Variants in NVL observed in about 807,000 individuals in gnomAD.
NVL encodes the protein nuclear VCP like.
A neutral mutation model predicts 110.2 loss-of-function variants in NVL; 84 were observed. The ratio of observed to expected loss-of-function variants is 0.76; its 90% CI spans 0.64 to 0.91. The LOEUF (loss-of-function observed/expected upper bound fraction) is 0.91, where lower values mean the gene tolerates loss of function less well. Ranked by LOEUF, NVL falls within the 40% of genes least tolerant of loss-of-function variation. The pLI, the probability that NVL is intolerant of heterozygous loss-of-function variation, is 0.00. For missense variants in NVL, 882 were observed against 1,035.9 expected, an observed-to-expected ratio of 0.85 and a Z score of 2.04; for synonymous variants, 354 against 361.1, an observed-to-expected ratio of 0.98 and a Z score of 0.22.
At chr1:224,265,685 A>G (rs1044232615) in intron 18 of NVL, among the ~76,000 whole-genome samples, 1 of 152,194 alleles carries the variant, frequency 6.6e-6, no homozygotes, top group Non-Finnish European at 1.5e-5. Context: ...TGGGACCTTT[A>G]AAAGGTGATT....
chr1:224,265,934 G>A (rs758475150), intron 18 of NVL, among the ~76,000 whole-genome samples: 1 of 152,024 alleles, frequency 6.6e-6, no homozygotes, highest in Non-Finnish European at 1.5e-5. Flanking sequence ...TGCCCAGCTT[G>A]GCCACTTTCT....
intron 5 of NVL, 108 bp downstream of exon 5, chr1:224,311,692 T>A: frequency 2.4e-6 from 2 of 832,734 alleles, no homozygotes; most frequent in South Asian, 1.5e-5. Flanking sequence ...AGTGTTGGGA[T>A]TAGAGGTGTG....
Position 224,273,048 on chromosome 1 carries a change from A to AC in NVL, c.2082+2290_2082+2291insG, listed in dbSNP as rs1318017733. Among the ~76,000 whole-genome samples, 25 of 139,072 alleles carry AC rather than the reference A, an allele frequency of 1.8e-4. 1 individual carries two copies. Among genetic ancestry groups the AC allele is most frequent in the Middle Eastern group, 3.7e-3 (1 of 270 alleles). 91.2% of individuals were successfully genotyped at this position (139,072 alleles called of 152,430 possible). A position where few individuals can be genotyped will look rare whatever the true frequency, so the allele number is the denominator to read the frequency against. On this transcript the variant is annotated intron_variant, in intron 17 of 22. Transcript: ENST00000281701. ...GACTCCGTCTCAAAAAAAAACAAAA[A>AC]AAACAAACAAACAAAAAAAAACACA...
intron 15 of NVL, among the ~76,000 whole-genome samples, chr1:224,282,282 G>A (rs1020478588): frequency 3.3e-5 from 5 of 151,956 alleles, no homozygotes; most frequent in African/African-American, 1.2e-4. Flanking sequence ...TGCCCAGGCT[G>A]AAACCTACAA....
At chr1:224,246,997 A>G (rs980408061) in intron 19 of NVL, among the ~76,000 whole-genome samples, 2 of 150,342 alleles carry the variant, frequency 1.3e-5, no homozygotes, top group Admixed American at 6.7e-5. Context: ...AGCTGAGATC[A>G]CGCTACTGCA....
At position 224,236,430 on chromosome 1, in the gene NVL, G is replaced by A. The variant is rs985564595; in HGVS notation, c.2366+76C>T. 4 of 1,082,764 alleles carry A rather than the reference G, an allele frequency of 3.7e-6. No homozygotes were observed. In the African/African-American group the frequency reaches 4.7e-5, roughly 13 times the overall value. 67.1% of individuals were successfully genotyped at this position (1,082,764 alleles called of 1,614,324 possible). A position where few individuals can be genotyped will look rare whatever the true frequency, so the allele number is the denominator to read the frequency against. On this transcript the variant is annotated intron_variant, in intron 20 of 22. Coordinates refer to ENST00000281701, the MANE Select transcript of NVL (RefSeq NM_002533.4). ...TCCTCCCAACAATCTGCTGAGGTGA[G>A]CATCATCACCCCTCATTTTATAGAT...
At chr1:224,261,201 T>C (rs1223831314) in intron 18 of NVL, among the ~76,000 whole-genome samples, 1 of 152,030 alleles carries the variant, frequency 6.6e-6, no homozygotes, top group Non-Finnish European at 1.5e-5. Context: ...AGATGGGGTC[T>C]TGCTTTGTTG....
At chr1:224,251,456 G>T (rs1662496468) in intron 18 of NVL, among the ~76,000 whole-genome samples, 1 of 151,962 alleles carries the variant, frequency 6.6e-6, no homozygotes. Flanking sequence ...TGGCCAACAT[G>T]GTGAAACCCT....
At chr1:224,319,440 T>C (rs970178601) in intron 2 of NVL, among the ~76,000 whole-genome samples, 3 of 152,112 alleles carry the variant, frequency 2.0e-5, no homozygotes, top group Admixed American at 2.0e-4. Flanking sequence ...CCTGAGTAGC[T>C]GGGACTACAG....
At chr1:224,263,296 G>A (rs942756723) in intron 18 of NVL, among the ~76,000 whole-genome samples, 1 of 152,166 alleles carries the variant, frequency 6.6e-6, no homozygotes, top group African/African-American at 2.4e-5. Context: ...TTGCACACAT[G>A]TAGTTTTCTC....
rs777263906 is a variant in NVL at position 224,227,603 on chromosome 1, C to T, written c.*23G>A. On this transcript the variant is annotated 3_prime_UTR_variant, in exon 23 of 23. Coordinates refer to ENST00000281701, the MANE Select transcript of NVL (RefSeq NM_002533.4). ...CTCTGCCGGCTTGATGGGCTAGCTC[C>T]TCTAAGCCGGCTGCTGGAGACATCA... 2.5e-6 allele frequency: 4 copies of T among 1,605,674 alleles called. 1 individual carries two copies. In the South Asian group the frequency reaches 3.3e-5, roughly 13 times the overall value.
chr1:224,273,320 G>C (rs974269771), intron 17 of NVL, among the ~76,000 whole-genome samples: 8 of 151,760 alleles, frequency 5.3e-5, no homozygotes, highest in African/African-American at 1.7e-4. Context: ...GGCTGAGTCA[G>C]GAAAATCGCT....
At chr1:224,250,853 C>T (rs1259373469) in intron 18 of NVL, among the ~76,000 whole-genome samples, 1 of 152,098 alleles carries the variant, frequency 6.6e-6, no homozygotes, top group Non-Finnish European at 1.5e-5. Flanking sequence ...GACAGGATTT[C>T]GCTATGTTGC....
chr1:224,315,481 A>G (rs1669978683), intron 4 of NVL, among the ~76,000 whole-genome samples: 1 of 152,226 alleles, frequency 6.6e-6, no homozygotes, highest in Non-Finnish European at 1.5e-5. Flanking sequence ...TAGGAATATT[A>G]GGAAACTTCC....
chr1:224,317,904 T>C lies in NVL; in HGVS notation c.158A>G (p.Asn53Ser). 6.3e-7 allele frequency: 1 copy of C among 1,598,876 alleles called. No individual in the cohort carries two copies. Among genetic ancestry groups the C allele is most frequent in the South Asian group, 1.1e-5 (1 of 89,596 alleles). Reference sequence around the variant, plus strand: ...TTTTTCTACCTGAATCCTAAAAGCATTTCTTTTTCTTCGACCATAGTCTAT... The same window carrying C: ...TTTTTCTACCTGAATCCTAAAAGCACTTCTTTTTCTTCGACCATAGTCTAT... ...YSIDYGRRKR[N>S]AFRIQVEKVF... Residue 53 changes from asparagine to serine, a missense_variant, in exon 3 of 23, where the codon AAT becomes AGT. Transcript: ENST00000281701.
At chr1:224,244,693 ATT>A (rs1200382869) in intron 19 of NVL, among the ~76,000 whole-genome samples, 2 of 70,642 alleles carry the variant, frequency 2.8e-5, no homozygotes. Flanking sequence ...GCTGGTCTCC[ATT>A]TTTTTTTTTT....
At chr1:224,256,382 G>C (rs1296327645) in intron 18 of NVL, among the ~76,000 whole-genome samples, 1 of 136,318 alleles carries the variant, frequency 7.3e-6, no homozygotes, top group East Asian at 2.3e-4. Flanking sequence ...CCAAGATCGT[G>C]CTACTGCACT....
intron 18 of NVL, among the ~76,000 whole-genome samples, chr1:224,254,562 TG>T (rs1332807296): frequency 6.2e-5 from 3 of 48,718 alleles, no homozygotes; most frequent in African/African-American, 1.2e-4. Flanking sequence ...CCGGCTAATT[TG>T]TTTTTTTTGT....
intron 18 of NVL, among the ~76,000 whole-genome samples, chr1:224,260,027 G>A (rs947096003): frequency 1.3e-5 from 2 of 152,116 alleles, no homozygotes; most frequent in African/African-American, 2.4e-5. Context: ...CTCAGCCAAA[G>A]TTCTGGCTGG....
Sources: allele counts gnomAD v4.1 joint callset (sites outside exome capture counted in the v4.1 genomes callset), GRCh38; gene constraint gnomAD v4.1.1; transcripts MANE v1.5; gene names NCBI Gene and HGNC (gene_info 2026-07-23, HGNC 2026-07-21).